The following CDH12 variants were observed in gnomAD, a reference collection of about 807,000 sequenced individuals.
CDH12 encodes the protein cadherin-12.
Under a neutral mutation model 74.1 loss-of-function variants are expected in CDH12, and 41 were observed. The observed-to-expected ratio is 0.55, with a 90% CI of 0.43 to 0.72. CDH12 has a LOEUF of 0.72. Among genes scored for constraint, CDH12 ranks in the 30% least tolerant of loss-of-function variants. CDH12 has a pLI of 0.00. For synonymous variants in CDH12, 399 were observed against 355.0 expected (o/e 1.12, Z -1.39); for missense variants, 945 against 977.2 (o/e 0.97, Z 0.44).
At chr5:22,051,210 C>T (rs1740338260) in intron 5 of CDH12, among the ~76,000 whole-genome samples, 1 of 151,922 alleles carries the variant, frequency 6.6e-6, no homozygotes, top group Non-Finnish European at 1.5e-5. Flanking sequence ...CCCCTCTTGC[C>T]CCATCCTTGA....
At chr5:22,645,557 A>G (rs1739396087) in intron 1 of CDH12, among the ~76,000 whole-genome samples, 1 of 152,062 alleles carries the variant, frequency 6.6e-6, no homozygotes, top group Admixed American at 6.6e-5. Context: ...AGGAGTTAGA[A>G]TAGTTCATAA....
intron 2 of CDH12, among the ~76,000 whole-genome samples, chr5:22,445,340 G>A (rs1297488693): frequency 2.6e-5 from 4 of 152,052 alleles, no homozygotes; most frequent in African/African-American, 9.7e-5. Context: ...TGAGGAACAA[G>A]CAGGACATGA....
Position 22,204,162 on chromosome 5 carries a change from G to GGTTT in CDH12, c.-187+8335_-187+8336insAAAC, listed in dbSNP as rs1554020485. Among the ~76,000 whole-genome samples the GGTTT allele has an allele frequency of 2.7e-4, 35 of 129,888 alleles. 1 individual carries two copies. The highest frequency in any genetic ancestry group is 4.3e-4 in the Non-Finnish European group (25 of 58,116). 85.2% of individuals were successfully genotyped at this position (129,888 alleles called of 152,430 possible). On this transcript the variant is annotated intron_variant, in intron 4 of 14. Transcript: ENST00000382254. ...CACGTGTTTTTGTTTTGTTTTGTTT[G>GGTTT]TTTTTTTTTTTTTGTTTTTTGTTTT...
chr5:22,065,958 C>T (rs149823721), intron 5 of CDH12, among the ~76,000 whole-genome samples: 1 of 151,994 alleles, frequency 6.6e-6, no homozygotes, highest in South Asian at 2.1e-4. Context: ...ATTATTTGAT[C>T]TGTACAAACA....
rs3039460 is a variant in CDH12 at position 22,460,713 on chromosome 5, A to ATTTTTTTTTTTTTTTTTTTTTTTTTTTT, written c.-428+44556_-428+44557insAAAAAAAAAAAAAAAAAAAAAAAAAAAA. 2.3e-5 allele frequency among the ~76,000 whole-genome samples: 2 copies of ATTTTTTTTTTTTTTTTTTTTTTTTTTTT among 85,622 alleles called. 1 individual carries two copies. The highest frequency in any genetic ancestry group is 1.0e-4 in the African/African-American group (2 of 19,770). The allele number at this position is 85,622 out of a possible 152,430, so 56.2% of individuals were successfully genotyped here. On this transcript the variant is annotated intron_variant, in intron 2 of 14. Coordinates refer to ENST00000382254, the MANE Select transcript of CDH12 (RefSeq NM_004061.5). ...AGAGAACAGTTGATGATATCTAGCA[A>ATTTTTTTTTTTTTTTTTTTTTTTTTTTT]TTTTTTTTTTTTTTTTTTTTTTTTT...
intron 2 of CDH12, among the ~76,000 whole-genome samples, chr5:22,460,903 T>A (rs1745483626): frequency 6.6e-6 from 1 of 151,112 alleles, no homozygotes; most frequent in South Asian, 2.1e-4. Context: ...GTATTTTTAG[T>A]AGATATGGGG....
chr5:22,522,059 A>G (rs571561270), intron 1 of CDH12, among the ~76,000 whole-genome samples: 1 of 152,318 alleles, frequency 6.6e-6, no homozygotes, highest in South Asian at 2.1e-4. Flanking sequence ...GTTTCTGATT[A>G]TTTCTCATAT....
chr5:22,325,813 C>A (rs570454425), intron 3 of CDH12, among the ~76,000 whole-genome samples: 1 of 152,066 alleles, frequency 6.6e-6, no homozygotes, highest in African/African-American at 2.4e-5. Flanking sequence ...GAGGCTGAGG[C>A]GGGAGAATGG....
At chr5:21,820,329 A>T (rs1748298444) in intron 8 of CDH12, among the ~76,000 whole-genome samples, 1 of 152,032 alleles carries the variant, frequency 6.6e-6, no homozygotes, top group Admixed American at 6.6e-5. Context: ...GAGTGCCAAC[A>T]AATTCCATTT....
At chr5:22,341,191 T>A (rs947745488) in intron 3 of CDH12, among the ~76,000 whole-genome samples, 7 of 152,214 alleles carry the variant, frequency 4.6e-5, no homozygotes, top group Non-Finnish European at 7.3e-5. Context: ...CAAACAGATA[T>A]TCTTTTAACA....
intron 3 of CDH12, among the ~76,000 whole-genome samples, chr5:22,288,208 A>G (rs955669986): frequency 9.9e-5 from 15 of 152,196 alleles, no homozygotes; most frequent in African/African-American, 3.4e-4. Flanking sequence ...TACATCTTCT[A>G]TCTGAACCTT....
chr5:21,781,262 A>C (rs577775381), intron 11 of CDH12, among the ~76,000 whole-genome samples: 1 of 152,332 alleles, frequency 6.6e-6, no homozygotes, highest in Admixed American at 6.5e-5. Context: ...CTGCTAAGCA[A>C]GGGGCCTCTA....
In CDH12 at chr5:22,014,466, G is replaced by T. The variant is rs2963568; in HGVS notation, c.232-39081C>A. On this transcript the variant is annotated intron_variant, in intron 5 of 14. Transcript: ENST00000382254. ...ACGCATAACTCAGATGTATGCAAAG[G>T]CTTCATATATCTAGAATGTATATTG... is the stretch of plus-strand genomic sequence containing the variant. Among the ~76,000 whole-genome samples the T allele has an allele frequency of 9.3e-3, 1,411 of 152,056 alleles. 12 individuals are homozygous for T. The highest frequency in any genetic ancestry group is 0.015 in the Non-Finnish European group (1,037 of 67,978).
chr5:22,802,322 A>G (rs977165319), intron 1 of CDH12, among the ~76,000 whole-genome samples: 10 of 151,706 alleles, frequency 6.6e-5, no homozygotes, highest in African/African-American at 1.7e-4. Flanking sequence ...GGGTTTCACC[A>G]TGTTAGCCAG....
At chr5:22,027,829 A>G in intron 5 of CDH12, among the ~76,000 whole-genome samples, 1 of 151,570 alleles carries the variant, frequency 6.6e-6, no homozygotes, top group Non-Finnish European at 1.5e-5. Context: ...TTCTGCTCTG[A>G]TTTTAGTTAT....
At chr5:22,490,359 T>C (rs1746808867) in intron 2 of CDH12, among the ~76,000 whole-genome samples, 2 of 152,284 alleles carry the variant, frequency 1.3e-5, no homozygotes, top group African/African-American at 2.4e-5. Flanking sequence ...GCTACCCTGA[T>C]TCCAAGAAAT....
chr5:22,253,712 C>G (rs1055610765), intron 3 of CDH12, among the ~76,000 whole-genome samples: 3 of 151,728 alleles, frequency 2.0e-5, no homozygotes, highest in African/African-American at 7.2e-5. Flanking sequence ...TCCCTCTTCT[C>G]CTCCACCTCT....
intron 10 of CDH12, among the ~76,000 whole-genome samples, chr5:21,783,755 T>G (rs761354246): frequency 5.3e-5 from 8 of 152,142 alleles, no homozygotes; most frequent in Admixed American, 6.6e-5. Flanking sequence ...GAGACTAAAA[T>G]TCTAAAGCTG....
At chr5:22,249,825 T>C (rs1313309872) in intron 3 of CDH12, among the ~76,000 whole-genome samples, 6 of 152,174 alleles carry the variant, frequency 3.9e-5, no homozygotes, top group Admixed American at 3.9e-4. Context: ...TCTTTTGTTG[T>C]ATTGCATATT....
Sources: allele counts gnomAD v4.1 joint callset (sites outside exome capture counted in the v4.1 genomes callset), GRCh38; gene constraint gnomAD v4.1.1; transcripts MANE v1.5; gene names NCBI Gene and HGNC (gene_info 2026-07-23, HGNC 2026-07-21).